The following KLHL7 variants were observed in gnomAD, a reference collection of about 807,000 sequenced individuals.
KLHL7 encodes the protein kelch like family member 7.
In KLHL7, 44 loss-of-function variants were observed where a neutral mutation model predicts 67.4. That is an observed-to-expected ratio of 0.65 (90% CI 0.51 to 0.84). KLHL7 has a LOEUF of 0.84. KLHL7 is among the 40% of genes least tolerant of loss of function. The pLI, the probability that KLHL7 is intolerant of heterozygous loss-of-function variation, is 0.00. For synonymous variants in KLHL7, 252 were observed against 243.3 expected (o/e 1.04, Z -0.33); for missense variants, 362 against 718.1 (o/e 0.50, Z 5.67).
intron 1 of KLHL7, among the ~76,000 whole-genome samples, chr7:23,121,792 C>T (rs955587618): frequency 1.1e-4 from 17 of 151,286 alleles, no homozygotes; most frequent in Middle Eastern, 6.9e-3. Flanking sequence ...ATGCCGTTCT[C>T]CTGCCTCAGT....
chr7:23,125,662 C>A, intron 4 of KLHL7: 1 of 1,356,330 alleles, frequency 7.4e-7, no homozygotes, highest in Non-Finnish European at 9.7e-7. Context: ...CTGTTTTATA[C>A]TAGAAAACAT....
intron 10 of KLHL7, among the ~76,000 whole-genome samples, chr7:23,173,276 C>G (rs1404854532): frequency 6.6e-6 from 1 of 152,106 alleles, no homozygotes; most frequent in Admixed American, 6.6e-5. Context: ...TTTTAGATGG[C>G]TCCTATACAT....
intron 4 of KLHL7, among the ~76,000 whole-genome samples, chr7:23,138,878 T>C (rs1424496458): frequency 6.6e-6 from 1 of 152,124 alleles, no homozygotes; most frequent in Non-Finnish European, 1.5e-5. Context: ...TGTGGGTTAA[T>C]TCTATCAACC....
chr7:23,140,329 C>T (rs1216807466), intron 4 of KLHL7, among the ~76,000 whole-genome samples: 6 of 152,082 alleles, frequency 3.9e-5, no homozygotes, highest in East Asian at 3.9e-4. Flanking sequence ...CCAGGGTGGG[C>T]GGATCACGAG....
At chr7:23,118,096 A>G (rs2128458431) in intron 1 of KLHL7, 3 of 1,091,228 alleles carry the variant, frequency 2.7e-6, no homozygotes, top group South Asian at 2.8e-5. Flanking sequence ...TAGCACTTAC[A>G]TGGACCCAAC....
At chr7:23,110,689 T>C (rs970750188) in intron 1 of KLHL7, among the ~76,000 whole-genome samples, 21 of 151,744 alleles carry the variant, frequency 1.4e-4, no homozygotes, top group African/African-American at 5.1e-4. Flanking sequence ...TATGTATACA[T>C]GTGCCATATT....
intron 4 of KLHL7, among the ~76,000 whole-genome samples, chr7:23,136,939 CAG>C (rs1260968737): frequency 6.6e-6 from 1 of 151,984 alleles, no homozygotes; most frequent in African/African-American, 2.4e-5. Context: ...GTATCCTACT[CAG>C]AGAAAAATAA....
At position 23,109,581 on chromosome 7, in the gene KLHL7, A is replaced by C. The variant is rs139231110; in HGVS notation, c.120+3435A>C. ...GTTATGTGAGAGAACTACAAAGCTG[A>C]TTTCACAATTAGATACTGGGCAGTT... On this transcript the variant is annotated intron_variant, in intron 1 of 10. Coordinates refer to ENST00000339077, the MANE Select transcript of KLHL7 (RefSeq NM_001031710.3). Among the ~76,000 whole-genome samples the C allele has an allele frequency of 4.8e-3, 738 of 152,346 alleles. 8 individuals carry two copies. The highest frequency in any genetic ancestry group is 0.01 in the Middle Eastern group (3 of 294).
chr7:23,125,411 T>C (rs996869462), intron 4 of KLHL7, among the ~76,000 whole-genome samples: 2 of 152,232 alleles, frequency 1.3e-5, no homozygotes, highest in Non-Finnish European at 2.9e-5. Context: ...GCATTTTTAA[T>C]GGTTTTTCAC....
chr7:23,171,759 C>G (rs550522511), intron 9 of KLHL7, among the ~76,000 whole-genome samples: 4 of 152,306 alleles, frequency 2.6e-5, no homozygotes, highest in South Asian at 4.1e-4. Flanking sequence ...GCCCAGGCTG[C>G]AGTGCAGTGG....
chr7:23,119,984 A>G (rs1296527258), intron 1 of KLHL7, among the ~76,000 whole-genome samples: 1 of 152,048 alleles, frequency 6.6e-6, no homozygotes, highest in African/African-American at 2.4e-5. Context: ...AAGGATTTGT[A>G]TACCTGGTTT....
At chr7:23,159,783 A>C (rs765678767) in intron 7 of KLHL7, among the ~76,000 whole-genome samples, 5 of 152,018 alleles carry the variant, frequency 3.3e-5, no homozygotes, top group African/African-American at 7.2e-5. Flanking sequence ...GCCTGCCTCA[A>C]CCTCCCAAAG....
intron 6 of KLHL7, among the ~76,000 whole-genome samples, chr7:23,144,909 G>T (rs1784306483): frequency 6.9e-6 from 1 of 144,942 alleles, no homozygotes; most frequent in Non-Finnish European, 1.5e-5. Flanking sequence ...ATTCACCTGG[G>T]CAACATAGCG....
In KLHL7 at chr7:23,174,623, G is replaced by A. The variant is rs567516489; in HGVS notation, c.*325G>A. The A allele has an allele frequency of 4.1e-4, 197 of 484,400 alleles. No homozygotes were observed. Among genetic ancestry groups the A allele is most frequent in the South Asian group, 9.9e-4 (64 of 64,748 alleles). The allele number at this position is 484,400 out of a possible 1,614,324, so 30.0% of individuals were successfully genotyped here. ...TAGAAGATTGGCTCATCAGTGAAGCGCAGTATCTTAGCTCTAGATTCTATT... is the reference window on the plus strand; with the variant it reads ...TAGAAGATTGGCTCATCAGTGAAGCACAGTATCTTAGCTCTAGATTCTATT... On this transcript the variant is annotated 3_prime_UTR_variant, in exon 11 of 11. Coordinates refer to ENST00000339077, the MANE Select transcript of KLHL7 (RefSeq NM_001031710.3).
intron 1 of KLHL7, among the ~76,000 whole-genome samples, chr7:23,107,655 A>G (rs984204899): frequency 6.6e-6 from 1 of 152,206 alleles, no homozygotes; most frequent in Non-Finnish European, 1.5e-5. Context: ...ATTTACCGTT[A>G]CAATAGAAGT....
chr7:23,153,652 G>A (rs870476), intron 7 of KLHL7, among the ~76,000 whole-genome samples: 67,780 of 152,002 alleles, frequency 0.45, 17,306 homozygotes, highest in African/African-American at 0.71. Context: ...GGCTGGCCTT[G>A]CTCCAGAATT....
intron 1 of KLHL7, among the ~76,000 whole-genome samples, chr7:23,120,382 T>C (rs898183220): frequency 2.6e-5 from 4 of 152,200 alleles, no homozygotes; most frequent in Non-Finnish European, 4.4e-5. Context: ...TGTCTGCTGT[T>C]GATTTCTTAA....
intron 4 of KLHL7, among the ~76,000 whole-genome samples, chr7:23,130,666 CTT>C (rs925465722): frequency 1.1e-4 from 16 of 152,110 alleles, no homozygotes; most frequent in South Asian, 8.3e-4. Flanking sequence ...AATTTAAAGA[CTT>C]ATTTTTTCAT....
intron 1 of KLHL7, among the ~76,000 whole-genome samples, chr7:23,112,375 G>T (rs1158569697): frequency 6.6e-6 from 1 of 152,192 alleles, no homozygotes; most frequent in Non-Finnish European, 1.5e-5. Context: ...AAATTGACAG[G>T]TCTGGAAAGT....
Sources: gnomAD v4.1 joint callset for allele counts (sites outside exome capture counted in the v4.1 genomes callset) on GRCh38, gnomAD v4.1.1 for gene constraint, MANE v1.5 for transcripts, NCBI Gene and HGNC (gene_info 2026-07-23, HGNC 2026-07-21) for gene names.